Variants in SOX5 observed in about 807,000 individuals in gnomAD.
SOX5 encodes the protein transcription factor SOX-5.
A neutral mutation model predicts 92.0 loss-of-function variants in SOX5; 9 were observed. The observed-to-expected ratio is 0.10, with a 90% CI of 0.06 to 0.17. The LOEUF is 0.17. SOX5 is among the 10% of genes least tolerant of loss of function. The pLI, the probability that SOX5 is intolerant of heterozygous loss-of-function variation, is 1.00. For synonymous variants in SOX5, 344 were observed against 336.3 expected (o/e 1.02, Z -0.25); for missense variants, 642 against 944.5 (o/e 0.68, Z 4.20).
rs1555456188 is a variant in SOX5 at position 23,970,841 on chromosome 12, A to ATTT, written c.-1-74820_-1-74818dup. Among the ~76,000 whole-genome samples the ATTT allele has an allele frequency of 7.8e-4, 17 of 21,876 alleles. 3 individuals are homozygous for ATTT. Among genetic ancestry groups the ATTT allele is most frequent in the African/African-American group, 2.1e-3 (17 of 8,022 alleles). The allele number at this position is 21,876 out of a possible 152,430, so 14.4% of individuals were successfully genotyped here. On this transcript the variant is annotated intron_variant, in intron 4 of 4. Transcript: ENST00000446891. The stretch of plus-strand genomic sequence containing the variant: ...ACATGGGACTTTATATATATATATA[A>ATTT]TTTTTTTTTTTTTTTAAGAAATGGG...
In SOX5 at chr12:23,837,282, T is replaced by G. The variant is rs1377287678; in HGVS notation, c.481+8701A>C. Among the ~76,000 whole-genome samples the G allele has an allele frequency of 2.2e-4, 23 of 103,906 alleles. 3 individuals are homozygous for G. The East Asian group carries it at 0.018, about 80-fold the overall frequency. 68.2% of individuals were successfully genotyped at this position (103,906 alleles called of 152,430 possible). On this transcript the variant is annotated intron_variant, in intron 3 of 14. Coordinates refer to ENST00000451604, the MANE Select transcript of SOX5 (RefSeq NM_006940.6). Reference sequence around the variant, plus strand: ...TTATATAATATATAATATGTATTTATATTTATATTTATATAATATATAAGA... The same window carrying G: ...TTATATAATATATAATATGTATTTAGATTTATATTTATATAATATATAAGA...
intron 2 of SOX5, among the ~76,000 whole-genome samples, chr12:23,860,087 C>T (rs912813247): frequency 2.0e-5 from 3 of 151,868 alleles, no homozygotes; most frequent in Admixed American, 6.6e-5. Context: ...TAAGTGGAAG[C>T]TAAATGATAA....
intron 8 of SOX5, among the ~76,000 whole-genome samples, chr12:23,619,080 C>A (rs995191449): frequency 1.3e-5 from 2 of 152,124 alleles, no homozygotes; most frequent in Non-Finnish European, 2.9e-5. Context: ...TTATTACTAA[C>A]AAACAACACA....
At chr12:23,722,157 C>T (rs1346656170) in intron 6 of SOX5, among the ~76,000 whole-genome samples, 1 of 152,124 alleles carries the variant, frequency 6.6e-6, no homozygotes, top group Non-Finnish European at 1.5e-5. Context: ...TTGTTATTTT[C>T]AGAAGTTTCT....
chr12:24,447,517 A>G (rs1941658234), intron 1 of SOX5, among the ~76,000 whole-genome samples: 1 of 152,140 alleles, frequency 6.6e-6, no homozygotes, highest in Non-Finnish European at 1.5e-5. Flanking sequence ...CTGGAACAGA[A>G]AAATGACACT....
intron 1 of SOX5, among the ~76,000 whole-genome samples, chr12:24,414,027 C>A (rs1290571391): frequency 6.6e-6 from 1 of 152,176 alleles, no homozygotes; most frequent in East Asian, 1.9e-4. Flanking sequence ...TAGACTTCCC[C>A]TTTTAGTCAT....
intron 1 of SOX5, among the ~76,000 whole-genome samples, chr12:24,506,310 A>T (rs933501953): frequency 6.6e-6 from 1 of 152,142 alleles, no homozygotes; most frequent in Non-Finnish European, 1.5e-5. Flanking sequence ...GAAGCAAGCA[A>T]ATCTGGCTGA....
At chr12:24,249,038 C>T (rs961819507) in intron 3 of SOX5, among the ~76,000 whole-genome samples, 6 of 152,198 alleles carry the variant, frequency 3.9e-5, no homozygotes, top group African/African-American at 1.4e-4. Flanking sequence ...ACGGATATAT[C>T]GATACATCAT....
chr12:24,261,417 T>C (rs1346493620), intron 3 of SOX5, among the ~76,000 whole-genome samples: 2 of 152,184 alleles, frequency 1.3e-5, no homozygotes, highest in Non-Finnish European at 2.9e-5. Context: ...TTAAAAGCAT[T>C]TACACAGTTT....
intron 1 of SOX5, among the ~76,000 whole-genome samples, chr12:24,529,733 T>C (rs1042190161): frequency 3.9e-5 from 6 of 152,074 alleles, no homozygotes; most frequent in Non-Finnish European, 8.8e-5. Flanking sequence ...TAAAAAGCCA[T>C]ACAAGGCTGG....
chr12:23,816,072 A>C (rs1471880183), intron 3 of SOX5, among the ~76,000 whole-genome samples: 1 of 152,194 alleles, frequency 6.6e-6, no homozygotes, highest in Non-Finnish European at 1.5e-5. Context: ...TCAACAACTC[A>C]TAAATGGAAG....
intron 1 of SOX5, among the ~76,000 whole-genome samples, chr12:24,372,308 G>C (rs1345192562): frequency 6.6e-6 from 1 of 152,026 alleles, no homozygotes; most frequent in Non-Finnish European, 1.5e-5. Context: ...ACAGGCCCCA[G>C]TGTGTGATGC....
intron 1 of SOX5, among the ~76,000 whole-genome samples, chr12:24,457,175 A>G (rs1943111431): frequency 6.6e-6 from 1 of 152,228 alleles, no homozygotes; most frequent in African/African-American, 2.4e-5. Context: ...CGCTGTATTC[A>G]ATACCAGCAT....
chr12:24,308,248 C>T (rs538195435), intron 2 of SOX5, among the ~76,000 whole-genome samples: 12 of 152,174 alleles, frequency 7.9e-5, no homozygotes, highest in Admixed American at 2.0e-4. Context: ...GGCCACTGTG[C>T]ATGCGGACAG....
At chr12:24,066,048 TAA>T (rs577131134) in intron 4 of SOX5, among the ~76,000 whole-genome samples, 1 of 147,906 alleles carries the variant, frequency 6.8e-6, no homozygotes, top group Non-Finnish European at 1.5e-5. Flanking sequence ...ACTTACAGTC[TAA>T]AAAAAAAAGT....
At chr12:23,839,463 A>C (rs2096484621) in intron 3 of SOX5, among the ~76,000 whole-genome samples, 1 of 152,140 alleles carries the variant, frequency 6.6e-6, no homozygotes, top group African/African-American at 2.4e-5. Context: ...GAAAATCAAA[A>C]ATTAACATGA....
intron 1 of SOX5, among the ~76,000 whole-genome samples, chr12:24,380,727 T>C (rs992971344): frequency 2.0e-5 from 3 of 152,134 alleles, no homozygotes; most frequent in African/African-American, 7.2e-5. Flanking sequence ...CCAGAGTTCT[T>C]GATATATTTT....
chr12:23,682,764 T>C (rs1429610858), intron 6 of SOX5, among the ~76,000 whole-genome samples: 1 of 151,786 alleles, frequency 6.6e-6, no homozygotes, highest in Non-Finnish European at 1.5e-5. Context: ...AAAAAATACA[T>C]ACATGTATAA....
chr12:24,134,005 C>G (rs1949894590), intron 4 of SOX5, among the ~76,000 whole-genome samples: 1 of 152,094 alleles, frequency 6.6e-6, no homozygotes, highest in Non-Finnish European at 1.5e-5. Flanking sequence ...TCTACTGAAT[C>G]AGAAATTGAG....
Sources: allele counts gnomAD v4.1 joint callset (sites outside exome capture counted in the v4.1 genomes callset), GRCh38; gene constraint gnomAD v4.1.1; transcripts MANE v1.5; gene names NCBI Gene and HGNC (gene_info 2026-07-23, HGNC 2026-07-21).